Variants in YBX2 observed in about 807,000 individuals in gnomAD.
YBX2 encodes the protein Y-box binding protein 2.
YBX2 carries 5 observed loss-of-function variants against 44.4 expected under a neutral mutation model. The observed-to-expected ratio is 0.11, with a 90% CI of 0.06 to 0.24. The LOEUF (loss-of-function observed/expected upper bound fraction) is 0.24, where lower values mean the gene tolerates loss of function less well. Among genes scored for constraint, YBX2 ranks in the 10% least tolerant of loss-of-function variants. The probability of loss-of-function intolerance (pLI) is 1.00; values close to 1 mark genes in which losing one functional copy is unlikely to be tolerated. For synonymous variants in YBX2, 188 were observed against 216.1 expected (o/e 0.87, Z 1.14); for missense variants, 417 against 526.9 (o/e 0.79, Z 2.04).
rs548668792 is a variant in YBX2 at position 7,288,564 on chromosome 17, G to A, written c.*119C>T. The A allele has an allele frequency of 7.1e-4, 391 of 547,302 alleles. 1 individual carries two copies. The highest frequency in any genetic ancestry group is 1.1e-3 in the Non-Finnish European group (344 of 301,522). The allele number at this position is 547,302 out of a possible 1,614,324, so 33.9% of individuals were successfully genotyped here. ...CTCAAGGAAAAGGTGAAAAGCTGGT[G>A]TTTTGATGTCATGAATTATGGGAAA... On this transcript the variant is annotated 3_prime_UTR_variant, in exon 9 of 9. Coordinates refer to ENST00000007699, the MANE Select transcript of YBX2 (RefSeq NM_015982.4).
rs1341413780 is a variant in YBX2 at position 7,291,271 on chromosome 17, T to C, written c.370-89A>G. The C allele has an allele frequency of 7.6e-7, 1 of 1,323,080 alleles. No individual in the cohort carries two copies. The highest frequency in any genetic ancestry group is 1.5e-5 in the African/African-American group (1 of 68,524). The allele number at this position is 1,323,080 out of a possible 1,614,324, so 82.0% of individuals were successfully genotyped here. A position where few individuals can be genotyped will look rare whatever the true frequency, so the allele number is the denominator to read the frequency against. ...TGGGGCCACCACCCAATTTCATTCT[T>C]TCAACATTTGACTTGGGGTCTAGAG... On this transcript the variant is annotated intron_variant, in intron 3 of 8. Coordinates refer to ENST00000007699, the MANE Select transcript of YBX2 (RefSeq NM_015982.4). The surrounding 1 kb of genome is among the most constrained non-coding windows in gnomAD (Gnocchi z 5.8).
chr17:7,293,592 G>A, intron 1 of YBX2, 54 bp from the exon 2 acceptor site: 1 of 1,613,548 alleles, frequency 6.2e-7, no homozygotes, highest in Non-Finnish European at 8.5e-7. Flanking sequence ...AGATGGAGTT[G>A]AACTCAGTTT....
At position 7,294,092 on chromosome 17, in the gene YBX2, C is replaced by T; in HGVS notation, c.271+138G>A. 2 of 996,506 alleles carry T rather than the reference C, an allele frequency of 2.0e-6. No individual in the cohort carries two copies. Among genetic ancestry groups the T allele is most frequent in the Admixed American group, 4.1e-5 (1 of 24,494 alleles). The allele number at this position is 996,506 out of a possible 1,614,324, so 61.7% of individuals were successfully genotyped here. A position where few individuals can be genotyped will look rare whatever the true frequency, so the allele number is the denominator to read the frequency against. ...CCCACCAGGGGAATCCACTTTGGTG[C>T]GCAGCTCCCAGCCCAGTTAGCGCTC... On this transcript the variant is annotated intron_variant, in intron 1 of 8. Coordinates refer to ENST00000007699, the MANE Select transcript of YBX2 (RefSeq NM_015982.4). The surrounding 1 kb of genome is among the most constrained non-coding windows in gnomAD (Gnocchi z 4.6).
At chr17:7,292,386 T>G (rs1436002493) in intron 2 of YBX2, 1 of 366,088 alleles carries the variant, frequency 2.7e-6, no homozygotes. Flanking sequence ...CCTTACAACC[T>G]GCCAGCGCTG....
intron 6 of YBX2, 120 bp from the exon 7 acceptor site, chr17:7,289,845 A>G (rs911873525): frequency 1.3e-6 from 2 of 1,585,322 alleles, no homozygotes; most frequent in South Asian, 2.3e-5. Context: ...GCCTCCCCGC[A>G]AGGCACCTGT....
rs1597604227 is a variant in YBX2 at position 7,291,913 on chromosome 17, G to C, written c.369+113C>G. 1.5e-6 allele frequency: 2 copies of C among 1,378,460 alleles called. No individual in the cohort carries two copies. The highest frequency in any genetic ancestry group is 4.6e-5 in the East Asian group (2 of 43,594). 85.4% of individuals were successfully genotyped at this position (1,378,460 alleles called of 1,614,324 possible). On this transcript the variant is annotated intron_variant, in intron 3 of 8. Coordinates refer to ENST00000007699, the MANE Select transcript of YBX2 (RefSeq NM_015982.4). The surrounding 1 kb of genome is among the most constrained non-coding windows in gnomAD (Gnocchi z 5.8). ...TTGACACAGGCACCCAAGGCGGATG[G>C]GCCGTTGTGAAGAAGAGCCAGAGAA...
chr17:7,291,644 G>GAA lies in YBX2; in HGVS notation c.369+381_369+382insTT. 1 of 385,312 alleles carries GAA rather than the reference G, an allele frequency of 2.6e-6. No individual in the cohort carries two copies. The highest frequency in any genetic ancestry group is 4.9e-6 in the Non-Finnish European group (1 of 202,860). The allele number at this position is 385,312 out of a possible 1,614,324, so 23.9% of individuals were successfully genotyped here. The stretch of plus-strand genomic sequence containing the variant: ...ATTGTGGAGCCCCAGCCCCAGCTCT[G>GAA]ATTGATTCACCAGGTCTGGGGTGGG... On this transcript the variant is annotated intron_variant, in intron 3 of 8. Coordinates refer to ENST00000007699, the MANE Select transcript of YBX2 (RefSeq NM_015982.4). This position sits in a 1 kb window ranked among gnomAD's most constrained non-coding sequence, Gnocchi z 5.8.
At position 7,288,798 on chromosome 17, in the gene YBX2, A is replaced by C. The variant is rs2072474178; in HGVS notation, c.1085T>G (p.Ile362Ser). ...TGAGTTGAGTTGGAATCACTCCAGG[A>C]TGGTGGTGGTGGGGTCCCCACTGTT... Reference protein sequence around the residue: ...PVNSGDPTTTILE With the variant: ...PVNSGDPTTTSLE Residue 362 changes from isoleucine to serine, a missense_variant, in exon 8 of 9, where the codon ATC (isoleucine) becomes AGC (serine). Ile to Ser is a moderately radical substitution (Grantham distance 142). Transcript: ENST00000007699. 1.2e-6 allele frequency: 2 copies of C among 1,613,334 alleles called. No individual in the cohort carries two copies. Among genetic ancestry groups the C allele is most frequent in the African/African-American group, 2.7e-5 (2 of 74,900 alleles).
rs114959777 is a variant in YBX2, at chr17:7,291,872, G to A, written c.369+154C>T. On this transcript the variant is annotated intron_variant, in intron 3 of 8. Transcript: ENST00000007699. The surrounding 1 kb of genome is among the most constrained non-coding windows in gnomAD (Gnocchi z 5.8). ...ACGGACGTTTAGTAACCCAGCACAA[G>A]TGCGGCTAATGGTGGTTGACACAGG... The A allele has an allele frequency of 1.5e-4, 137 of 912,696 alleles. No homozygotes were observed. In the African/African-American group the frequency reaches 1.9e-3, roughly 13 times the overall value. The allele number at this position is 912,696 out of a possible 1,614,324, so 56.5% of individuals were successfully genotyped here.
Position 7,290,443 on chromosome 17 carries a change from G to C in YBX2, c.552C>G (p.Ile184Met). 6.2e-7 allele frequency: 1 copy of C among 1,614,150 alleles called. No individual in the cohort carries two copies. ...APNRRKSRRF[I>M]PRPPSVAPPP... Reference sequence around the variant, plus strand: ...GTGGGGCAACTGAGGGAGGCCGGGGGATGAATCGGCGGGACTTACGTCGGT... The same window carrying C: ...GTGGGGCAACTGAGGGAGGCCGGGGCATGAATCGGCGGGACTTACGTCGGT... Residue 184 changes from isoleucine to methionine, a missense_variant, in exon 5 of 9, where the codon ATC becomes ATG. By Grantham distance (10) the Ile-to-Met change is conservative. This residue lies in a region of YBX2 where 257 missense variants were observed against 261.7 expected (regional missense o/e 0.98). Transcript: ENST00000007699.
rs759095121 is a variant in YBX2, at chr17:7,290,330, C to T, written c.665G>A (p.Arg222Gln). 6 of 1,613,780 alleles carry T rather than the reference C, an allele frequency of 3.7e-6. No homozygotes were observed. The South Asian group carries it at 6.6e-5, about 18-fold the overall frequency. ...GTAGAAGAAGGGTGGGGGGCACCAT[C>T]GTCGGGGCCGTTGCCCAGAGTCTTC... The part of the protein sequence containing the change: ...RAEDSGQRPR[R>Q]WCPPPFFYRR... The change falls in exon 5 of 9, where the codon CGA becomes CAA. Residue 222 changes from arginine (R) to glutamine (Q), a missense_variant. Transcript: ENST00000007699.
intron 4 of YBX2, among the ~76,000 whole-genome samples, chr17:7,290,842 C>A (rs377651096): frequency 6.6e-6 from 1 of 152,158 alleles, no homozygotes; most frequent in East Asian, 1.9e-4. Context: ...CAGGGCCCCA[C>A]GTGGAGAACG....
In YBX2 at chr17:7,291,683, G is replaced by A. The variant is rs146227683; in HGVS notation, c.369+343C>T. 2,988 of 402,880 alleles carry A rather than the reference G, an allele frequency of 7.4e-3. 38 individuals carry two copies. Among genetic ancestry groups the A allele is most frequent in the South Asian group, 0.022 (914 of 41,802 alleles). The allele number at this position is 402,880 out of a possible 1,614,324, so 25.0% of individuals were successfully genotyped here. Reference sequence around the variant, plus strand: ...GTCTGGGGTGGGACCTGAGAATTCGGATGTCAGGTGATGCTGCTGCCGCTG... The same window carrying A: ...GTCTGGGGTGGGACCTGAGAATTCGAATGTCAGGTGATGCTGCTGCCGCTG... On this transcript the variant is annotated intron_variant, in intron 3 of 8. Coordinates refer to ENST00000007699, the MANE Select transcript of YBX2 (RefSeq NM_015982.4). The surrounding 1 kb of genome is among the most constrained non-coding windows in gnomAD (Gnocchi z 5.8).
Position 7,291,424 on chromosome 17 carries a change from T to C in YBX2, c.370-242A>G. 3.6e-6 allele frequency: 2 copies of C among 557,320 alleles called. No individual in the cohort carries two copies. Among genetic ancestry groups the C allele is most frequent in the South Asian group, 4.0e-5 (2 of 50,258 alleles). The allele number at this position is 557,320 out of a possible 1,614,324, so 34.5% of individuals were successfully genotyped here. A position where few individuals can be genotyped will look rare whatever the true frequency, so the allele number is the denominator to read the frequency against. On this transcript the variant is annotated intron_variant, in intron 3 of 8. Coordinates refer to ENST00000007699, the MANE Select transcript of YBX2 (RefSeq NM_015982.4). The surrounding 1 kb of genome is among the most constrained non-coding windows in gnomAD (Gnocchi z 5.8). ...CCCCGCACCTCCCCTCCCGCCCCGC[T>C]TTACCCCTCAGGGATTTCAGAAAGG...
In YBX2 at chr17:7,294,592, G is replaced by A; in HGVS notation, c.-92C>T. The A allele has an allele frequency of 7.4e-6, 9 of 1,211,198 alleles. No individual in the cohort carries two copies. The highest frequency in any genetic ancestry group is 9.2e-6 in the Non-Finnish European group (9 of 979,846). The allele number at this position is 1,211,198 out of a possible 1,614,324, so 75.0% of individuals were successfully genotyped here. A position where few individuals can be genotyped will look rare whatever the true frequency, so the allele number is the denominator to read the frequency against. ...CCGCCCTGCTCGGTCCTCGCGCCCC[G>A]AGCCTCGCCCACACGCCGGCAGCGG... On this transcript the variant is annotated 5_prime_UTR_variant, in exon 1 of 9. Transcript: ENST00000007699. This position sits in a 1 kb window ranked among gnomAD's most constrained non-coding sequence, Gnocchi z 4.6.
At chr17:7,290,598 T>G in intron 4 of YBX2, 63 bp from the exon 5 acceptor site, 1 of 1,572,354 alleles carries the variant, frequency 6.4e-7, no homozygotes, top group Admixed American at 1.8e-5. Flanking sequence ...TTTCCCAACT[T>G]GCTTCCCCTT....
intron 2 of YBX2, 76 bp downstream of exon 2, chr17:7,293,399 G>T (rs1442578775): frequency 3.7e-6 from 6 of 1,606,940 alleles, no homozygotes; most frequent in Non-Finnish European, 5.1e-6. Flanking sequence ...GGGTCGATGA[G>T]GTTGGGCGGG....
rs1567604366 is a variant in YBX2, at chr17:7,289,989, C to G, written c.827G>C (p.Arg276Thr). ...TTACCTTCGGTACCTGGGCCGGAAT[C>G]TGGGCGGGGGGACTCGCTCATCTCC... ...QQGDERVPPP[R>T]FRPRYRRPFR... The change falls in exon 6 of 9, where the codon AGA (arginine) becomes ACA (threonine). Residue 276 changes from arginine to threonine, a missense_variant. This residue lies in a region of YBX2 where 257 missense variants were observed against 261.7 expected (regional missense o/e 0.98). Transcript: ENST00000007699. The G allele has an allele frequency of 6.2e-7, 1 of 1,614,118 alleles. No individual in the cohort carries two copies. The highest frequency in any genetic ancestry group is 2.2e-5 in the East Asian group (1 of 44,896).
chr17:7,294,118 T>C lies in YBX2; in HGVS notation c.271+112A>G. 8.6e-7 allele frequency: 1 copy of C among 1,157,932 alleles called. No homozygotes were observed. The highest frequency in any genetic ancestry group is 1.1e-6 in the Non-Finnish European group (1 of 920,248). The allele number at this position is 1,157,932 out of a possible 1,614,324, so 71.7% of individuals were successfully genotyped here. A position where few individuals can be genotyped will look rare whatever the true frequency, so the allele number is the denominator to read the frequency against. ...GCAGCTCCCAGCCCAGTTAGCGCTCTGGGCCTGCGGGCCAGGCCGCCTTTG... is the reference window on the plus strand; with the variant it reads ...GCAGCTCCCAGCCCAGTTAGCGCTCCGGGCCTGCGGGCCAGGCCGCCTTTG... On this transcript the variant is annotated intron_variant, in intron 1 of 8. Coordinates refer to ENST00000007699, the MANE Select transcript of YBX2 (RefSeq NM_015982.4). This position sits in a 1 kb window ranked among gnomAD's most constrained non-coding sequence, Gnocchi z 4.6.
Sources: gnomAD v4.1 joint callset for allele counts (sites outside exome capture counted in the v4.1 genomes callset) on GRCh38, gnomAD v4.1.1 for gene constraint, gnomAD v4.1.1 regional missense constraint, Gnocchi (gnomAD v3.1) non-coding constraint, MANE v1.5 for transcripts, NCBI Gene and HGNC (gene_info 2026-07-23, HGNC 2026-07-21) for gene names.